Variants in PDE4D observed in about 807,000 individuals in gnomAD.
PDE4D encodes 3',5'-cyclic-AMP phosphodiesterase 4D.
In PDE4D, 24 loss-of-function variants were observed where a neutral mutation model predicts 87.4. The ratio of observed to expected loss-of-function variants is 0.27; its 90% confidence interval spans 0.20 to 0.39. The LOEUF (loss-of-function observed/expected upper bound fraction) is 0.39, where lower values mean the gene tolerates loss of function less well. PDE4D is among the 10% of genes least tolerant of loss of function. PDE4D has a pLI of 1.00. For missense variants in PDE4D, 714 were observed against 1,041.0 expected, an observed-to-expected ratio of 0.69 and a Z score of 4.32; for synonymous variants, 384 against 383.2, an observed-to-expected ratio of 1.00 and a Z score of -0.02.
At chr5:59,319,637 T>A (rs961681028) in intron 1 of PDE4D, among the ~76,000 whole-genome samples, 1 of 152,268 alleles carries the variant, frequency 6.6e-6, no homozygotes, top group African/African-American at 2.4e-5. Context: ...AGAGTCTCTA[T>A]AAAAAGATGT....
chr5:59,570,304 G>A (rs1287861240), intron 1 of PDE4D, among the ~76,000 whole-genome samples: 1 of 152,132 alleles, frequency 6.6e-6, no homozygotes, highest in Non-Finnish European at 1.5e-5. Context: ...CTGGACCTCT[G>A]AAAGTATTAA....
At chr5:59,932,053 T>C (rs1581790996) in intron 3 of PDE4D, among the ~76,000 whole-genome samples, 2 of 152,328 alleles carry the variant, frequency 1.3e-5, no homozygotes, top group Admixed American at 1.3e-4. Flanking sequence ...ATTCAAGCCA[T>C]GGCACATATG....
intron 1 of PDE4D, among the ~76,000 whole-genome samples, chr5:59,551,471 TCA>T (rs34301317): frequency 6.7e-4 from 99 of 148,838 alleles, no homozygotes; most frequent in South Asian, 2.6e-3. Context: ...GCTACTTCAG[TCA>T]CACACACACA....
At chr5:59,542,410 G>A (rs1816512819) in intron 1 of PDE4D, among the ~76,000 whole-genome samples, 1 of 152,178 alleles carries the variant, frequency 6.6e-6, no homozygotes, top group Admixed American at 6.6e-5. Context: ...CATATTTTCA[G>A]AGAGTAATAT....
At chr5:60,006,987 C>A (rs900997219) in intron 2 of PDE4D, among the ~76,000 whole-genome samples, 1 of 151,802 alleles carries the variant, frequency 6.6e-6, no homozygotes, top group African/African-American at 2.4e-5. Context: ...GGGCTTTAGA[C>A]TTTTTATTTT....
At chr5:59,222,770 G>A (rs1581461009) in intron 1 of PDE4D, among the ~76,000 whole-genome samples, 1 of 152,124 alleles carries the variant, frequency 6.6e-6, no homozygotes, top group African/African-American at 2.4e-5. Context: ...TCCTATTTGG[G>A]TGCTCTAGGG....
At chr5:59,029,427 A>C (rs1403417260) in intron 6 of PDE4D, among the ~76,000 whole-genome samples, 1 of 151,302 alleles carries the variant, frequency 6.6e-6, no homozygotes, top group East Asian at 1.9e-4. Context: ...AAAAAAAAAA[A>C]AAAAAAAAAA....
intron 1 of PDE4D, among the ~76,000 whole-genome samples, chr5:59,461,290 A>G (rs1271690905): frequency 2.0e-5 from 3 of 152,186 alleles, no homozygotes; most frequent in African/African-American, 7.2e-5. Flanking sequence ...AAACTCTTAG[A>G]AATAGTTATC....
At chr5:59,100,309 C>T (rs898981280) in intron 5 of PDE4D, among the ~76,000 whole-genome samples, 11 of 152,232 alleles carry the variant, frequency 7.2e-5, no homozygotes, top group African/African-American at 2.7e-4. Flanking sequence ...GCCCTACATA[C>T]TGTAAGTTAC....
chr5:59,534,143 T>C (rs1444968572), intron 1 of PDE4D, among the ~76,000 whole-genome samples: 1 of 152,206 alleles, frequency 6.6e-6, no homozygotes, highest in East Asian at 1.9e-4. Flanking sequence ...ATCTAGCTTA[T>C]TTTCTTGGAA....
chr5:59,952,774 C>G (rs1257303982), intron 3 of PDE4D, among the ~76,000 whole-genome samples: 1 of 152,152 alleles, frequency 6.6e-6, no homozygotes, highest in Non-Finnish European at 1.5e-5. Flanking sequence ...TGGAGATGAA[C>G]TGAAGTCTCT....
rs143537108 is a variant in PDE4D, at chr5:59,627,280, T to C, written c.455+265888A>G. On this transcript the variant is annotated intron_variant, in intron 1 of 14. Coordinates refer to ENST00000340635, the MANE Select transcript of PDE4D (RefSeq NM_001104631.2). ...TCCAATAGAGAATACCCTGTGACCA[T>C]GTATTCTTTTCAGAAAAGTCACAAA... 1.8e-4 allele frequency among the ~76,000 whole-genome samples: 27 copies of C among 152,330 alleles called. 1 individual carries two copies. The highest frequency in any genetic ancestry group is 7.8e-4 in the Admixed American group (12 of 15,306).
chr5:59,316,916 C>T (rs913275870), intron 1 of PDE4D, among the ~76,000 whole-genome samples: 1 of 152,170 alleles, frequency 6.6e-6, no homozygotes, highest in Non-Finnish European at 1.5e-5. Context: ...ACACTTCACT[C>T]CAAAACCTGC....
chr5:59,278,860 G>A (rs1314672279), intron 1 of PDE4D, among the ~76,000 whole-genome samples: 2 of 152,052 alleles, frequency 1.3e-5, no homozygotes, highest in African/African-American at 4.8e-5. Context: ...CATGGAAAGC[G>A]TCAATTGCAT....
At chr5:60,317,676 T>TGGTA (rs1256942397) in intron 1 of PDE4D, among the ~76,000 whole-genome samples, 3 of 152,220 alleles carry the variant, frequency 2.0e-5, no homozygotes, top group Non-Finnish European at 4.4e-5. Flanking sequence ...CCAGAGATTC[T>TGGTA]GGTATGTTGT....
chr5:60,207,998 T>C (rs1742750219), intron 1 of PDE4D, among the ~76,000 whole-genome samples: 1 of 152,248 alleles, frequency 6.6e-6, no homozygotes, highest in Non-Finnish European at 1.5e-5. Flanking sequence ...TAACTGTTCA[T>C]TTGTTCTTTC....
chr5:59,238,625 G>A (rs1756991158), intron 1 of PDE4D, among the ~76,000 whole-genome samples: 1 of 152,140 alleles, frequency 6.6e-6, no homozygotes, highest in East Asian at 1.9e-4. Context: ...AGAAAGAACT[G>A]GAAGGAGAAA....
chr5:59,720,235 C>T (rs1253774498), intron 1 of PDE4D, among the ~76,000 whole-genome samples: 10 of 152,138 alleles, frequency 6.6e-5, no homozygotes, highest in African/African-American at 1.4e-4. Context: ...GATTGTGGCC[C>T]GCTGCAGCCT....
intron 2 of PDE4D, among the ~76,000 whole-genome samples, chr5:60,098,878 A>G (rs1775959285): frequency 2.0e-5 from 3 of 152,034 alleles, no homozygotes; most frequent in African/African-American, 7.2e-5. Flanking sequence ...TGGCTTTACA[A>G]CATGAGTATG....
Sources: allele counts gnomAD v4.1 joint callset (sites outside exome capture counted in the v4.1 genomes callset), GRCh38; gene constraint gnomAD v4.1.1; transcripts MANE v1.5; gene names NCBI Gene and HGNC (gene_info 2026-07-23, HGNC 2026-07-21).